Variants in CRYBB3 observed in about 807,000 individuals in gnomAD.
CRYBB3 encodes the protein beta-crystallin B3.
A neutral mutation model predicts 28.3 loss-of-function variants in CRYBB3; 35 were observed. The ratio of observed to expected loss-of-function variants is 1.24; its 90% CI spans 0.95 to 1.64. The LOEUF (loss-of-function observed/expected upper bound fraction) is 1.64, where lower values mean the gene tolerates loss of function less well. Ranked by LOEUF, CRYBB3 falls within the 40% of genes most tolerant of loss-of-function variation. CRYBB3 has a pLI of 0.00. For missense variants in CRYBB3, 296 were observed against 297.4 expected, an observed-to-expected ratio of 1.00 and a Z score of 0.04; for synonymous variants, 106 against 110.4, an observed-to-expected ratio of 0.96 and a Z score of 0.25.
chr22:25,207,289 G>A lies in CRYBB3; in HGVS notation c.*77G>A. ...AAGAAGAGGAGGCTCCAGGGTTGGG[G>A]CGAGGGCCGACCTGTCCACCCTTCC... is the stretch of plus-strand genomic sequence containing the variant. On this transcript the variant is annotated 3_prime_UTR_variant, in exon 6 of 6. Transcript: ENST00000215855. 2.9e-6 allele frequency: 4 copies of A among 1,356,190 alleles called. No homozygotes were observed. Among genetic ancestry groups the A allele is most frequent in the East Asian group, 2.4e-5 (1 of 41,086 alleles). The allele number at this position is 1,356,190 out of a possible 1,614,324, so 84.0% of individuals were successfully genotyped here. A position where few individuals can be genotyped will look rare whatever the true frequency, so the allele number is the denominator to read the frequency against.
intron 2 of CRYBB3, 136 bp from the exon 3 acceptor site, chr22:25,202,538 G>A (rs188584276): frequency 3.3e-5 from 51 of 1,553,706 alleles, no homozygotes; most frequent in Non-Finnish European, 4.4e-5. Context: ...GGGCAGTGCA[G>A]GCCCACCTCA....
rs138431322 is a variant in CRYBB3, at chr22:25,202,815, C to T, written c.194+23C>T. The T allele has an allele frequency of 3.5e-3, 5,597 of 1,612,556 alleles. 25 individuals carry two copies. The highest frequency in any genetic ancestry group is 6.8e-3 in the Middle Eastern group (38 of 5,596). Reference sequence around the variant, plus strand: ...GCCGTGAGTACCTAGACCCCCAGTCCCTCGCCACAGCCCTGAGCCTTCTGG... The same window carrying T: ...GCCGTGAGTACCTAGACCCCCAGTCTCTCGCCACAGCCCTGAGCCTTCTGG... On this transcript the variant is annotated intron_variant, in intron 3 of 5. Transcript: ENST00000215855.
chr22:25,202,778 A>G lies in CRYBB3; in HGVS notation c.180A>G (p.Gln60=), dbSNP rs1206265111. The G allele has an allele frequency of 3.1e-6, 5 of 1,613,946 alleles. No individual in the cohort carries two copies. Among genetic ancestry groups the G allele is most frequent in the Non-Finnish European group, 4.2e-6 (5 of 1,179,992 alleles). Residue 60 remains glutamine, a synonymous_variant, in exon 3 of 6, where the codon CAA becomes CAG. Coordinates refer to ENST00000215855, the MANE Select transcript of CRYBB3 (RefSeq NM_004076.5). The part of the protein sequence containing the change: ...DSLLEKVGSI[Q]VESGPWLAFE... ...TGCTGGAGAAGGTGGGCTCCATCCAAGTGGAGTCCGGGCCGTGAGTACCTA... is the reference window on the plus strand; with the variant it reads ...TGCTGGAGAAGGTGGGCTCCATCCAGGTGGAGTCCGGGCCGTGAGTACCTA...
At chr22:25,206,499 C>T (rs1348312069) in intron 5 of CRYBB3, among the ~76,000 whole-genome samples, 5 of 152,144 alleles carry the variant, frequency 3.3e-5, no homozygotes, top group African/African-American at 7.2e-5. Flanking sequence ...GCCGAGATCA[C>T]GCCACTGCAC....
chr22:25,203,665 G>A, intron 3 of CRYBB3, 98 bp from the exon 4 acceptor site: 1 of 1,386,694 alleles, frequency 7.2e-7, no homozygotes, highest in Non-Finnish European at 1.0e-6. Flanking sequence ...GAGGGTACAA[G>A]GTTCAAGGTC....
intron 4 of CRYBB3, among the ~76,000 whole-genome samples, chr22:25,204,840 A>G (rs535854659): frequency 1.3e-5 from 2 of 152,316 alleles, no homozygotes; most frequent in East Asian, 3.9e-4. Flanking sequence ...GAAGAGGGGA[A>G]ACTGGGAAGA....
chr22:25,202,814 C>A, intron 3 of CRYBB3, 22 bp downstream of exon 3: 2 of 1,612,696 alleles, frequency 1.2e-6, no homozygotes, highest in South Asian at 1.1e-5. Context: ...GACCCCCAGT[C>A]CCTCGCCACA....
At chr22:25,204,487 T>C (rs1053420478) in intron 4 of CRYBB3, among the ~76,000 whole-genome samples, 8 of 152,150 alleles carry the variant, frequency 5.3e-5, no homozygotes, top group African/African-American at 1.9e-4. Flanking sequence ...GCATGATCTC[T>C]GCTCACTGCA....
At position 25,205,214 on chromosome 22, in the gene CRYBB3, C is replaced by T. The variant is rs759434985; in HGVS notation, c.328-6C>T. ...GCAGCCGCTCACCCCACGATATTGC[C>T]CTCAGGATAGTCCACATCACAAGCT... On this transcript the variant is annotated splice_polypyrimidine_tract_variant and splice_region_variant and intron_variant, in intron 4 of 5. Transcript: ENST00000215855. 8.7e-6 allele frequency: 14 copies of T among 1,613,848 alleles called. No homozygotes were observed. The highest frequency in any genetic ancestry group is 1.3e-5 in the African/African-American group (1 of 75,010).
chr22:25,201,843 C>T (rs1039917633), intron 2 of CRYBB3, among the ~76,000 whole-genome samples: 2 of 152,150 alleles, frequency 1.3e-5, no homozygotes, highest in Admixed American at 1.3e-4. Flanking sequence ...GCCTCAACAG[C>T]CCCATGTTTG....
chr22:25,207,075 C>T lies in CRYBB3; in HGVS notation c.499C>T (p.Arg167Cys), dbSNP rs780007463. 5.8e-5 allele frequency: 94 copies of T among 1,613,516 alleles called. No homozygotes were observed. Among genetic ancestry groups the T allele is most frequent in the Admixed American group, 1.3e-4 (8 of 60,000 alleles). Residue 167 changes from arginine (R) to cysteine (C), a missense_variant, in exon 6 of 6, where the codon CGT (arginine) becomes TGT (cysteine). Transcript: ENST00000215855. ...TWVGYEFPGY[R>C]GRQYVFERGE... The stretch of plus-strand genomic sequence containing the variant: ...GGTTGGCTATGAGTTCCCCGGCTAC[C>T]GTGGGCGCCAGTACGTGTTTGAGCG...
intron 5 of CRYBB3, among the ~76,000 whole-genome samples, chr22:25,206,664 T>G (rs958879493): frequency 6.6e-6 from 1 of 152,118 alleles, no homozygotes; most frequent in African/African-American, 2.4e-5. Context: ...AGTGAGGTAC[T>G]CGATTCAGCC....
chr22:25,205,330 C>T lies in CRYBB3; in HGVS notation c.438C>T (p.Asp146=). ...VPSLWAHGFQ[D]RVASVRAING... ...GCCTGTGGGCTCATGGCTTCCAGGACCGTGTGGCGAGTGTCCGTGCCATCA... is the reference window on the plus strand; with the variant it reads ...GCCTGTGGGCTCATGGCTTCCAGGATCGTGTGGCGAGTGTCCGTGCCATCA... Residue 146 remains aspartate, a synonymous_variant, in exon 5 of 6, where the codon GAC becomes GAT. Coordinates refer to ENST00000215855, the MANE Select transcript of CRYBB3 (RefSeq NM_004076.5). The T allele has an allele frequency of 6.2e-7, 1 of 1,614,180 alleles. No homozygotes were observed. The highest frequency in any genetic ancestry group is 8.5e-7 in the Non-Finnish European group (1 of 1,180,034).
chr22:25,202,603 C>T, intron 2 of CRYBB3, 71 bp from the exon 3 acceptor site: 1 of 1,608,558 alleles, frequency 6.2e-7, no homozygotes, highest in South Asian at 1.1e-5. Flanking sequence ...CCCTCTAATG[C>T]CCAAAGGAGG....
At position 25,205,293 on chromosome 22, in the gene CRYBB3, A is replaced by C. The variant is rs767547759; in HGVS notation, c.401A>C (p.Asp134Ala). Residue 134 changes from aspartate to alanine, a missense_variant, in exon 5 of 6, where the codon GAT becomes GCT. Asp to Ala is a moderately radical substitution (Grantham distance 126, BLOSUM62 -2). Transcript: ENST00000215855. The part of the protein sequence containing the change: ...FSGRKMEIVD[D>A]DVPSLWAHGF... ...GGCCGCAAGATGGAGATAGTGGATGATGACGTGCCCAGCCTGTGGGCTCAT... is the reference window on the plus strand; with the variant it reads ...GGCCGCAAGATGGAGATAGTGGATGCTGACGTGCCCAGCCTGTGGGCTCAT... The C allele has an allele frequency of 3.1e-6, 5 of 1,613,970 alleles. No individual in the cohort carries two copies. Among genetic ancestry groups the C allele is most frequent in the Non-Finnish European group, 4.2e-6 (5 of 1,180,020 alleles).
At position 25,203,799 on chromosome 22, in the gene CRYBB3, G is replaced by A; in HGVS notation, c.231G>A (p.Glu77=). The A allele has an allele frequency of 6.2e-7, 1 of 1,614,206 alleles. No homozygotes were observed. Among genetic ancestry groups the A allele is most frequent in the Middle Eastern group, 1.6e-4 (1 of 6,062 alleles). ...LAFESRAFRG[E]QFVLEKGDYP... is the part of the protein sequence containing the mutation. ...TTGAGTCCAGGGCCTTCCGCGGGGA[G>A]CAGTTTGTTCTGGAGAAGGGGGATT... is the stretch of plus-strand genomic sequence containing the variant. Residue 77 remains glutamate, a synonymous_variant, in exon 4 of 6, where the codon GAG becomes GAA. Coordinates refer to ENST00000215855, the MANE Select transcript of CRYBB3 (RefSeq NM_004076.5).
chr22:25,202,110 C>T (rs1934957430), intron 2 of CRYBB3, among the ~76,000 whole-genome samples: 1 of 152,124 alleles, frequency 6.6e-6, no homozygotes, highest in Non-Finnish European at 1.5e-5. Context: ...TTCTGAGCTT[C>T]TTTGATCCCT....
chr22:25,205,958 C>G (rs1252237467), intron 5 of CRYBB3, among the ~76,000 whole-genome samples: 1 of 152,134 alleles, frequency 6.6e-6, no homozygotes, highest in Non-Finnish European at 1.5e-5. Context: ...TCTTGTTCTT[C>G]TTAACAAGGG....
At chr22:25,204,905 T>C (rs993359867) in intron 4 of CRYBB3, among the ~76,000 whole-genome samples, 1 of 152,198 alleles carries the variant, frequency 6.6e-6, no homozygotes, top group African/African-American at 2.4e-5. Context: ...ATACTTTTGA[T>C]CTCTGTCCAC....
Sources: allele counts gnomAD v4.1 joint callset (sites outside exome capture counted in the v4.1 genomes callset), GRCh38; gene constraint gnomAD v4.1.1; transcripts MANE v1.5; gene names NCBI Gene and HGNC (gene_info 2026-07-23, HGNC 2026-07-21).